Variants in DST observed in about 807,000 individuals in gnomAD.
The protein encoded by DST is dystonin.
A neutral mutation model predicts 875.2 loss-of-function variants in DST; 253 were observed. The observed-to-expected ratio is 0.29, with a 90% confidence interval of 0.26 to 0.32. DST has a LOEUF of 0.32. DST is among the 10% of genes least tolerant of loss of function. DST has a pLI of 1.00. For synonymous variants in DST, 3,124 were observed against 3,197.1 expected, an observed-to-expected ratio of 0.98 and a Z score of 0.77; for missense variants, 8,287 against 9,111.6, an observed-to-expected ratio of 0.91 and a Z score of 3.68.
intron 9 of DST, among the ~76,000 whole-genome samples, chr6:56,680,044 A>T (rs57988807): frequency 0.018 from 2,768 of 152,138 alleles, 80 homozygotes; most frequent in African/African-American, 0.061. Context: ...AAAATATCCA[A>T]ATCTCTTCCA....
intron 95 of DST, 77 bp downstream of exon 95, chr6:56,471,029 A>AC: frequency 2.1e-6 from 3 of 1,408,558 alleles, no homozygotes; most frequent in South Asian, 2.6e-5. Flanking sequence ...ACACAAGTTT[A>AC]CCAGACCCAC....
At chr6:56,569,048 C>T (rs1039880783) in intron 54 of DST, among the ~76,000 whole-genome samples, 3 of 152,032 alleles carry the variant, frequency 2.0e-5, no homozygotes, top group Non-Finnish European at 4.4e-5. Flanking sequence ...CACGGTCGGG[C>T]GAGGTGGCTC....
intron 4 of DST, among the ~76,000 whole-genome samples, chr6:56,745,683 C>T (rs933461333): frequency 2.0e-5 from 3 of 152,202 alleles, no homozygotes; most frequent in Middle Eastern, 3.4e-3. Context: ...TAGAAGAAAA[C>T]ATCTGCTATA....
chr6:56,621,542 T>A (rs1299112975), intron 36 of DST, among the ~76,000 whole-genome samples: 2 of 152,114 alleles, frequency 1.3e-5, no homozygotes, highest in African/African-American at 2.4e-5. Flanking sequence ...TATAAAGATA[T>A]TTGTTAAGTA....
intron 34 of DST, among the ~76,000 whole-genome samples, chr6:56,625,497 A>C: frequency 6.6e-6 from 1 of 152,134 alleles, no homozygotes; most frequent in East Asian, 1.9e-4. Flanking sequence ...TGGTAGCCCC[A>C]TAAAATTATA....
intron 4 of DST, among the ~76,000 whole-genome samples, chr6:56,751,183 A>C (rs1043735755): frequency 6.6e-6 from 1 of 152,192 alleles, no homozygotes; most frequent in Non-Finnish European, 1.5e-5. Flanking sequence ...TTTAGCTATT[A>C]TTATTAGCTA....
chr6:56,844,871 C>CAAAAAAAAAA (rs11389743), intron 4 of DST, among the ~76,000 whole-genome samples: 2 of 123,224 alleles, frequency 1.6e-5, no homozygotes, highest in Non-Finnish European at 3.5e-5. Context: ...GACTCCGTCT[C>CAAAAAAAAAA]AAAAAAAAAA....
chr6:56,739,863 A>C (rs2099540110), intron 4 of DST, among the ~76,000 whole-genome samples: 1 of 152,064 alleles, frequency 6.6e-6, no homozygotes, highest in African/African-American at 2.4e-5. Context: ...TCAAGAAATA[A>C]CCACAAAAAT....
intron 4 of DST, among the ~76,000 whole-genome samples, chr6:56,791,803 A>G (rs2099724877): frequency 6.6e-6 from 1 of 151,192 alleles, no homozygotes; most frequent in African/African-American, 2.4e-5. Context: ...AAAAAAAAAA[A>G]GAAAGAAAGA....
chr6:56,492,540 G>T, intron 84 of DST, 107 bp from the exon 85 acceptor site: 1 of 1,183,868 alleles, frequency 8.4e-7, no homozygotes, highest in Non-Finnish European at 1.2e-6. Context: ...ACAAACGAAA[G>T]CTTTCGAAAT....
chr6:56,737,011 TGATGAAATC>T (rs2099527518), intron 4 of DST, among the ~76,000 whole-genome samples: 1 of 120,612 alleles, frequency 8.3e-6, no homozygotes, highest in African/African-American at 4.1e-5. Flanking sequence ...CGGGGCAACA[TGATGAAATC>T]CGTGTTTACA....
intron 87 of DST, 52 bp from the exon 88 acceptor site, chr6:56,485,523 A>C: frequency 6.5e-7 from 1 of 1,534,574 alleles, no homozygotes; most frequent in Non-Finnish European, 8.9e-7. Context: ...CGTCACTCAT[A>C]TATCTGAACA....
rs992680742 is a variant in DST, at chr6:56,571,988, T to C, written c.13721+112A>G. On this transcript the variant is annotated intron_variant, in intron 53 of 103. Coordinates refer to ENST00000680361, the MANE Select transcript of DST (RefSeq NM_001374736.1). Reference sequence around the variant, plus strand: ...TAAAAACATCTATAAAGTAGCCCTATGCTTATTCTCAAGTTTTCAAAATTG... The same window carrying C: ...TAAAAACATCTATAAAGTAGCCCTACGCTTATTCTCAAGTTTTCAAAATTG... 1.2e-5 allele frequency: 6 copies of C among 481,300 alleles called. No individual in the cohort carries two copies. In the East Asian group the frequency reaches 1.6e-4, roughly 13 times the overall value. The allele number at this position is 481,300 out of a possible 1,614,324, so 29.8% of individuals were successfully genotyped here.
At chr6:56,649,646 T>C (rs906541751) in intron 12 of DST, among the ~76,000 whole-genome samples, 14 of 152,158 alleles carry the variant, frequency 9.2e-5, no homozygotes, top group African/African-American at 3.4e-4. Flanking sequence ...GACATTGACA[T>C]GGAAATGTCC....
At chr6:56,727,934 C>T (rs2099472577) in intron 5 of DST, among the ~76,000 whole-genome samples, 1 of 152,170 alleles carries the variant, frequency 6.6e-6, no homozygotes, top group Non-Finnish European at 1.5e-5. Flanking sequence ...ATAACTTATC[C>T]TCCCTGAGCC....
chr6:56,719,863 G>A (rs2099408228), intron 5 of DST, among the ~76,000 whole-genome samples: 1 of 152,140 alleles, frequency 6.6e-6, no homozygotes, highest in African/African-American at 2.4e-5. Flanking sequence ...GATAGGGTGT[G>A]GGTCCCAAAG....
intron 9 of DST, among the ~76,000 whole-genome samples, chr6:56,691,667 A>C (rs1174127769): frequency 1.3e-5 from 2 of 152,188 alleles, no homozygotes; most frequent in Non-Finnish European, 2.9e-5. Flanking sequence ...TTATATTTTA[A>C]AGACAAGTAA....
chr6:56,718,378 T>C (rs2152905024), intron 5 of DST, among the ~76,000 whole-genome samples: 1 of 152,298 alleles, frequency 6.6e-6, no homozygotes, highest in Admixed American at 6.5e-5. Flanking sequence ...CTTCACACCT[T>C]CTAGGATTGC....
At chr6:56,863,370 C>T (rs928503446) in intron 3 of DST, 1 of 152,192 alleles carries the variant, frequency 6.6e-6, no homozygotes, top group African/African-American at 2.4e-5. Context: ...CTTAAAAGCA[C>T]AAAAATAACA....
Sources: gnomAD v4.1 joint callset for allele counts (sites outside exome capture counted in the v4.1 genomes callset) on GRCh38, gnomAD v4.1.1 for gene constraint, MANE v1.5 for transcripts, NCBI Gene and HGNC (gene_info 2026-07-23, HGNC 2026-07-21) for gene names.